FLOT2: variants seen among roughly 807,000 people sequenced by gnomAD.
FLOT2 encodes flotillin-2.
FLOT2 carries 35 observed loss-of-function variants against 54.9 expected under a neutral mutation model. The ratio of observed to expected loss-of-function variants is 0.64; its 90% confidence interval spans 0.49 to 0.84. FLOT2 has a LOEUF of 0.84. Ranked by LOEUF, FLOT2 falls within the 40% of genes least tolerant of loss-of-function variation. FLOT2 has a pLI of 0.00. For synonymous variants in FLOT2, 207 were observed against 228.9 expected (o/e 0.90, Z 0.86); for missense variants, 464 against 572.1 (o/e 0.81, Z 1.93).
Position 28,879,687 on chromosome 17 carries a change from G to A in FLOT2, c.*874C>T. 1 of 986,094 alleles carries A rather than the reference G, an allele frequency of 1.0e-6. No individual in the cohort carries two copies. Among genetic ancestry groups the A allele is most frequent in the Non-Finnish European group, 1.2e-6 (1 of 830,112 alleles). The allele number at this position is 986,094 out of a possible 1,614,324, so 61.1% of individuals were successfully genotyped here. A position where few individuals can be genotyped will look rare whatever the true frequency, so the allele number is the denominator to read the frequency against. ...AGGGTTGGCACAGCCTTGTCCACCAGAAGGGCCCAACACCCAGGACAGTGC... is the reference window on the plus strand; with the variant it reads ...AGGGTTGGCACAGCCTTGTCCACCAAAAGGGCCCAACACCCAGGACAGTGC... On this transcript the variant is annotated 3_prime_UTR_variant, in exon 11 of 11. Transcript: ENST00000394908.
At position 28,881,415 on chromosome 17, in the gene FLOT2, C is replaced by G. The variant is rs1243961424; in HGVS notation, c.915-40G>C. 4.4e-6 allele frequency: 7 copies of G among 1,592,756 alleles called. No individual in the cohort carries two copies. In the East Asian group the frequency reaches 8.9e-5, roughly 20 times the overall value. On this transcript the variant is annotated intron_variant, in intron 8 of 10. Transcript: ENST00000394908. ...GCCAGTTAGGATCAGTGGGACGTACCAGGGTCCTCTCAAGCCTTGCCTGGG... is the reference window on the plus strand; with the variant it reads ...GCCAGTTAGGATCAGTGGGACGTACGAGGGTCCTCTCAAGCCTTGCCTGGG...
intron 2 of FLOT2, chr17:28,885,584 C>T (rs1406323891): frequency 3.3e-5 from 24 of 717,322 alleles, no homozygotes; most frequent in Admixed American, 2.0e-5. Context: ...TGCATGGTAA[C>T]GAAGGCCTGG....
intron 2 of FLOT2, among the ~76,000 whole-genome samples, chr17:28,885,087 A>G (rs1051303647): frequency 6.6e-6 from 1 of 152,164 alleles, no homozygotes; most frequent in Non-Finnish European, 1.5e-5. Context: ...CAGGTGTTTC[A>G]AGTGTAGGTG....
intron 1 of FLOT2, among the ~76,000 whole-genome samples, chr17:28,890,868 T>G (rs2039639470): frequency 6.6e-6 from 1 of 151,420 alleles, no homozygotes; most frequent in East Asian, 1.9e-4. Context: ...TCTTCTTTTT[T>G]TTTTTTTTTT....
Position 28,897,275 on chromosome 17 carries a change from G to C in FLOT2, c.49+251C>G, listed in dbSNP as rs929896645. On this transcript the variant is annotated intron_variant, in intron 1 of 10. Transcript: ENST00000394908. The surrounding 1 kb of genome is among the most constrained non-coding windows in gnomAD (Gnocchi z 4.4). ...AGCGGCGGGGAGGCCCGCCTAGGGA[G>C]GGGGAGGAGAAGCAAATAAACACAG... 1.5e-4 allele frequency among the ~76,000 whole-genome samples: 23 copies of C among 152,248 alleles called. No homozygotes were observed. Among genetic ancestry groups the C allele is most frequent in the African/African-American group, 5.1e-4 (21 of 41,474 alleles).
rs202243374 is a variant in FLOT2, at chr17:28,883,075, G to A, written c.346+33C>T. ...CTCCCTGCCTTGGCTTAGGGGCCCC[G>A]TGAGGCTCCTCAAAGGCTGAACAGG... is the stretch of plus-strand genomic sequence containing the variant. On this transcript the variant is annotated intron_variant, in intron 4 of 10. Transcript: ENST00000394908. The surrounding 1 kb of genome is among the most constrained non-coding windows in gnomAD (Gnocchi z 5.0). 2,127 of 1,610,918 alleles carry A rather than the reference G, an allele frequency of 1.3e-3. 4 individuals are homozygous for A. Among genetic ancestry groups the A allele is most frequent in the Non-Finnish European group, 1.6e-3 (1,836 of 1,177,586 alleles).
At chr17:28,893,670 CA>C (rs770218912) in intron 1 of FLOT2, among the ~76,000 whole-genome samples, 1 of 152,182 alleles carries the variant, frequency 6.6e-6, no homozygotes, top group Non-Finnish European at 1.5e-5. Context: ...GAAGTGAAAT[CA>C]AAGACAGGCA....
rs1200983176 is a variant in FLOT2, at chr17:28,897,349, G to T, written c.49+177C>A. 1.4e-5 allele frequency: 8 copies of T among 566,454 alleles called. No individual in the cohort carries two copies. In the East Asian group the frequency reaches 2.5e-4, roughly 17 times the overall value. The allele number at this position is 566,454 out of a possible 1,614,324, so 35.1% of individuals were successfully genotyped here. ...GCCCCTGGTGGGTGCCCGAGGGTGC[G>T]CAGCAAGGAAAGCGTGAGCACGAGA... On this transcript the variant is annotated intron_variant, in intron 1 of 10. Transcript: ENST00000394908. This position sits in a 1 kb window ranked among gnomAD's most constrained non-coding sequence, Gnocchi z 4.4.
intron 1 of FLOT2, among the ~76,000 whole-genome samples, chr17:28,893,592 C>T (rs1028186017): frequency 1.3e-5 from 2 of 152,086 alleles, no homozygotes; most frequent in African/African-American, 4.8e-5. Context: ...GACAGGGTCT[C>T]GCTGAGGGAA....
At position 28,879,677 on chromosome 17, in the gene FLOT2, T is replaced by C. The variant is rs2039415652; in HGVS notation, c.*884A>G. The C allele has an allele frequency of 1.0e-6, 1 of 986,000 alleles. No homozygotes were observed. Among genetic ancestry groups the C allele is most frequent in the Non-Finnish European group, 1.2e-6 (1 of 830,072 alleles). 61.1% of individuals were successfully genotyped at this position (986,000 alleles called of 1,614,324 possible). A position where few individuals can be genotyped will look rare whatever the true frequency, so the allele number is the denominator to read the frequency against. On this transcript the variant is annotated 3_prime_UTR_variant, in exon 11 of 11. Transcript: ENST00000394908. ...GATTCTGTACAGGGTTGGCACAGCC[T>C]TGTCCACCAGAAGGGCCCAACACCC...
In FLOT2 at chr17:28,884,700, C is replaced by T. The variant is rs1182314653; in HGVS notation, c.132-385G>A. 6.6e-6 allele frequency among the ~76,000 whole-genome samples: 1 copy of T among 152,168 alleles called. No individual in the cohort carries two copies. The highest frequency in any genetic ancestry group is 1.9e-4 in the East Asian group (1 of 5,194). On this transcript the variant is annotated intron_variant, in intron 2 of 10. Coordinates refer to ENST00000394908, the MANE Select transcript of FLOT2 (RefSeq NM_004475.3). The surrounding 1 kb of genome is among the most constrained non-coding windows in gnomAD (Gnocchi z 5.1). The stretch of plus-strand genomic sequence containing the variant: ...TCCCGGCCCTGCTGTGCAGGCCATC[C>T]GTGGATGTCAACTGAGCCTCCCACA...
At chr17:28,896,536 CA>C (rs1169853686) in intron 1 of FLOT2, among the ~76,000 whole-genome samples, 1 of 152,146 alleles carries the variant, frequency 6.6e-6, no homozygotes, top group Non-Finnish European at 1.5e-5. Context: ...TTTTGAGATC[CA>C]AAGTGAGCCT....
intron 1 of FLOT2, among the ~76,000 whole-genome samples, chr17:28,890,165 C>T (rs1387022702): frequency 6.6e-6 from 1 of 152,126 alleles, no homozygotes; most frequent in Non-Finnish European, 1.5e-5. Context: ...TGACTTTGTT[C>T]CTCTCATGGG....
At position 28,879,803 on chromosome 17, in the gene FLOT2, C is replaced by T. The variant is rs75947532; in HGVS notation, c.*758G>A. 17 of 986,040 alleles carry T rather than the reference C, an allele frequency of 1.7e-5. No individual in the cohort carries two copies. In the East Asian group the frequency reaches 1.2e-3, roughly 72 times the overall value. 61.1% of individuals were successfully genotyped at this position (986,040 alleles called of 1,614,324 possible). A position where few individuals can be genotyped will look rare whatever the true frequency, so the allele number is the denominator to read the frequency against. On this transcript the variant is annotated 3_prime_UTR_variant, in exon 11 of 11. Transcript: ENST00000394908. ...AAACTTAGCAGAGTTGGGACCAAAC[C>T]GCACCGCCCCAGCAGGAACATGCCC...
rs767042568 is a variant in FLOT2 at position 28,884,215 on chromosome 17, G to A, written c.222+10C>T. 1 of 1,603,434 alleles carries A rather than the reference G, an allele frequency of 6.2e-7. No individual in the cohort carries two copies. Among genetic ancestry groups the A allele is most frequent in the East Asian group, 2.2e-5 (1 of 44,828 alleles). ...CAACGGACATGCGCAGGGCTGCTGAGTTACTATACCTGGGCGACACCCGTC... is the reference window on the plus strand; with the variant it reads ...CAACGGACATGCGCAGGGCTGCTGAATTACTATACCTGGGCGACACCCGTC... On this transcript the variant is annotated intron_variant, in intron 3 of 10. Coordinates refer to ENST00000394908, the MANE Select transcript of FLOT2 (RefSeq NM_004475.3). The surrounding 1 kb of genome is among the most constrained non-coding windows in gnomAD (Gnocchi z 5.1).
intron 2 of FLOT2, among the ~76,000 whole-genome samples, chr17:28,887,295 G>A (rs1208494313): frequency 6.6e-6 from 1 of 152,164 alleles, no homozygotes; most frequent in Non-Finnish European, 1.5e-5. Flanking sequence ...TCTGACCCGA[G>A]AGGCTCCTGC....
chr17:28,896,648 T>A (rs1428958558), intron 1 of FLOT2, among the ~76,000 whole-genome samples: 1 of 152,090 alleles, frequency 6.6e-6, no homozygotes, highest in Non-Finnish European at 1.5e-5. Context: ...CCCTTCTATC[T>A]CTTCAGTAAC....
intron 1 of FLOT2, among the ~76,000 whole-genome samples, chr17:28,894,081 G>C (rs1310572784): frequency 1.3e-5 from 2 of 152,210 alleles, no homozygotes; most frequent in Admixed American, 6.5e-5. Flanking sequence ...TGTTGCACAA[G>C]CCGGTCTCAA....
chr17:28,886,059 G>T, intron 2 of FLOT2: 10 of 502,628 alleles, frequency 2.0e-5, no homozygotes, highest in Non-Finnish European at 2.5e-5. Context: ...GCCTGGGGGC[G>T]GGGGGGGGCA....
Sources: gnomAD v4.1 joint callset for allele counts (sites outside exome capture counted in the v4.1 genomes callset) on GRCh38, gnomAD v4.1.1 for gene constraint, Gnocchi (gnomAD v3.1) non-coding constraint, MANE v1.5 for transcripts, NCBI Gene and HGNC (gene_info 2026-07-23, HGNC 2026-07-21) for gene names.